Variants in GKAP1 observed in about 807,000 individuals in gnomAD.
GKAP1 encodes the protein G kinase anchoring protein 1.
In GKAP1, 31 loss-of-function variants were observed where a neutral mutation model predicts 56.7. The ratio of observed to expected loss-of-function variants is 0.55; its 90% confidence interval spans 0.41 to 0.74. GKAP1 has a LOEUF of 0.74. Among genes scored for constraint, GKAP1 ranks in the 30% least tolerant of loss-of-function variants. GKAP1 has a pLI of 0.00. For missense variants in GKAP1, 364 were observed against 402.3 expected, an observed-to-expected ratio of 0.90 and a Z score of 0.82; for synonymous variants, 151 against 138.6, an observed-to-expected ratio of 1.09 and a Z score of -0.63.
intron 8 of GKAP1, among the ~76,000 whole-genome samples, chr9:83,762,746 A>G (rs4348579): frequency 0.54 from 81,669 of 151,800 alleles, 22,846 homozygotes; most frequent in Admixed American, 0.69. Flanking sequence ...ACAAATCCAC[A>G]CACCTGAGGT....
chr9:83,762,031 C>T (rs1037706889), intron 8 of GKAP1, among the ~76,000 whole-genome samples: 13 of 151,944 alleles, frequency 8.6e-5, no homozygotes, highest in Admixed American at 2.6e-4. Flanking sequence ...TGTTATTCAA[C>T]GTAGTACTGG....
intron 7 of GKAP1, among the ~76,000 whole-genome samples, chr9:83,770,819 CAAAG>C (rs1943745841): frequency 6.6e-6 from 1 of 152,138 alleles, no homozygotes; most frequent in African/African-American, 2.4e-5. Context: ...CTCAGCCTCC[CAAAG>C]TGCTGGGATT....
chr9:83,801,254 C>G (rs1430089593), intron 3 of GKAP1, among the ~76,000 whole-genome samples: 1 of 152,076 alleles, frequency 6.6e-6, no homozygotes, highest in Non-Finnish European at 1.5e-5. Flanking sequence ...CAGCTGCCAC[C>G]CAGAAGCTAG....
chr9:83,814,609 T>C (rs2780101), intron 2 of GKAP1, among the ~76,000 whole-genome samples: 2 of 152,230 alleles, frequency 1.3e-5, no homozygotes, highest in East Asian at 3.8e-4. Context: ...TACCACAGGA[T>C]CTGGCACATA....
rs972939292 is a variant in GKAP1, at chr9:83,805,475, A to T, written c.216+827T>A. Among the ~76,000 whole-genome samples the T allele has an allele frequency of 6.4e-4, 97 of 152,060 alleles. 1 individual carries two copies. The highest frequency in any genetic ancestry group is 3.4e-3 in the Middle Eastern group (1 of 294). ...CAAGAATGATCAATAAAAAAAATAA[A>T]AAATAAAAAAAAAACCATGTAATTA... On this transcript the variant is annotated intron_variant, in intron 3 of 12. Transcript: ENST00000376371.
Position 83,762,456 on chromosome 9 carries a change from T to G in GKAP1, c.738+6362A>C, listed in dbSNP as rs547774007. On this transcript the variant is annotated intron_variant, in intron 8 of 12. Transcript: ENST00000376371. ...TGTTCATGGGTTAGAAGAATGAATA[T>G]TGTTAAAATGTCGATACCACCCAAA... Among the ~76,000 whole-genome samples the G allele has an allele frequency of 2.6e-5, 4 of 152,274 alleles. No homozygotes were observed. The South Asian group carries it at 8.3e-4, about 32-fold the overall frequency.
rs561620498 is a variant in GKAP1 at position 83,810,344 on chromosome 9, T to C, written c.-43-3784A>G. 1.6e-4 allele frequency among the ~76,000 whole-genome samples: 25 copies of C among 152,334 alleles called. No individual in the cohort carries two copies. The South Asian group carries it at 5.2e-3, about 32-fold the overall frequency. On this transcript the variant is annotated intron_variant, in intron 2 of 12. Coordinates refer to ENST00000376371, the MANE Select transcript of GKAP1 (RefSeq NM_025211.4). The stretch of plus-strand genomic sequence containing the variant: ...GAATATTCTTATTTCATGGATAAAC[T>C]GATTTTAAAATGAAAAGTTAATGTT...
chr9:83,739,520 T>C lies in GKAP1; in HGVS notation c.*177A>G. 9.3e-6 allele frequency: 4 copies of C among 431,486 alleles called. No individual in the cohort carries two copies. Among genetic ancestry groups the C allele is most frequent in the Non-Finnish European group, 1.6e-5 (4 of 244,110 alleles). The allele number at this position is 431,486 out of a possible 1,614,324, so 26.7% of individuals were successfully genotyped here. ...ACTGAATTCTGCTGGAATTCTCTAT[T>C]TCTTCTTTTTCACTTTAAGCCAAAA... On this transcript the variant is annotated 3_prime_UTR_variant, in exon 13 of 13. Coordinates refer to ENST00000376371, the MANE Select transcript of GKAP1 (RefSeq NM_025211.4).
At chr9:83,747,896 C>G (rs1943321159) in intron 10 of GKAP1, among the ~76,000 whole-genome samples, 1 of 152,164 alleles carries the variant, frequency 6.6e-6, no homozygotes, top group Non-Finnish European at 1.5e-5. Context: ...CTTGGCCTCC[C>G]AAAGTGCTAG....
chr9:83,779,878 C>T (rs1943941892), intron 7 of GKAP1, among the ~76,000 whole-genome samples: 1 of 151,356 alleles, frequency 6.6e-6, no homozygotes, highest in Admixed American at 6.6e-5. Context: ...AACAAAAAAC[C>T]CCAAATCCCC....
At chr9:83,762,310 A>C (rs1943587037) in intron 8 of GKAP1, among the ~76,000 whole-genome samples, 1 of 152,144 alleles carries the variant, frequency 6.6e-6, no homozygotes, top group South Asian at 2.1e-4. Context: ...ACTCCCATTT[A>C]CAATAGCCAT....
intron 3 of GKAP1, among the ~76,000 whole-genome samples, chr9:83,803,253 C>CCCTCTCA: frequency 6.6e-6 from 1 of 151,530 alleles, no homozygotes; most frequent in African/African-American, 2.4e-5. Flanking sequence ...CTCCCCTCTC[C>CCCTCTCA]CTCTCGGTCT....
At chr9:83,804,184 A>G (rs1173851495) in intron 3 of GKAP1, among the ~76,000 whole-genome samples, 40 of 122,256 alleles carry the variant, frequency 3.3e-4, no homozygotes, top group Middle Eastern at 0.014. Context: ...GCCTCTGCCC[A>G]GCCGCCCCTA....
intron 3 of GKAP1, among the ~76,000 whole-genome samples, chr9:83,802,069 T>C (rs1388175703): frequency 6.6e-6 from 1 of 152,160 alleles, no homozygotes; most frequent in African/African-American, 2.4e-5. Flanking sequence ...ACAAAACACA[T>C]ACTAGAGTTG....
chr9:83,753,808 A>T (rs1943432840), intron 8 of GKAP1, among the ~76,000 whole-genome samples: 1 of 152,216 alleles, frequency 6.6e-6, no homozygotes, highest in South Asian at 2.1e-4. Context: ...CAGCAAGAAA[A>T]GCTAACCAGA....
chr9:83,806,728 A>G (rs1254520383), intron 2 of GKAP1, among the ~76,000 whole-genome samples, 168 bp from the exon 3 acceptor site: 1 of 152,240 alleles, frequency 6.6e-6, no homozygotes, highest in Admixed American at 6.5e-5. Context: ...TTTATATTTA[A>G]GTAAACGATA....
chr9:83,776,291 A>G (rs927533868), intron 7 of GKAP1, among the ~76,000 whole-genome samples: 29 of 152,258 alleles, frequency 1.9e-4, no homozygotes, highest in African/African-American at 6.3e-4. Flanking sequence ...TGAGAAGAAT[A>G]GAAAATAGGT....
intron 8 of GKAP1, among the ~76,000 whole-genome samples, chr9:83,756,729 G>T (rs1437696892): frequency 6.6e-6 from 1 of 152,138 alleles, no homozygotes; most frequent in Non-Finnish European, 1.5e-5. Context: ...TTCATAGTTA[G>T]TTGTTAATAA....
intron 10 of GKAP1, 43 bp downstream of exon 10, chr9:83,748,262 ATTAT>A (rs763073600): frequency 9.4e-6 from 12 of 1,270,110 alleles, no homozygotes; most frequent in East Asian, 4.7e-5. Flanking sequence ...ACCTTCAGAT[ATTAT>A]TTAAGATAAA....
Sources: allele counts gnomAD v4.1 joint callset (sites outside exome capture counted in the v4.1 genomes callset), GRCh38; gene constraint gnomAD v4.1.1; transcripts MANE v1.5; gene names NCBI Gene and HGNC (gene_info 2026-07-23, HGNC 2026-07-21).